SLC39A8: variants seen among roughly 807,000 people sequenced by gnomAD.
SLC39A8 encodes the protein metal cation symporter ZIP8.
SLC39A8 carries 15 observed loss-of-function variants against 40.4 expected under a neutral mutation model. That is an observed-to-expected ratio of 0.37 (90% CI 0.25 to 0.57). SLC39A8 has a LOEUF of 0.57. Ranked by LOEUF, SLC39A8 falls within the 20% of genes least tolerant of loss-of-function variation. The pLI is 0.75. For missense variants in SLC39A8, 472 were observed against 558.8 expected, an observed-to-expected ratio of 0.84 and a Z score of 1.57; for synonymous variants, 223 against 221.6, an observed-to-expected ratio of 1.01 and a Z score of -0.06.
At chr4:102,287,006 G>A (rs1295403056) in intron 6 of SLC39A8, among the ~76,000 whole-genome samples, 1 of 152,118 alleles carries the variant, frequency 6.6e-6, no homozygotes. Context: ...GTGTGAACTT[G>A]AGGGAGTCAC....
At chr4:102,345,028 C>T in intron 1 of SLC39A8, 113 bp from the exon 2 acceptor site, 1 of 546,874 alleles carries the variant, frequency 1.8e-6, no homozygotes, top group Non-Finnish European at 2.5e-6. Context: ...GGGCATGGGG[C>T]CAGACGCCCC....
intron 6 of SLC39A8, among the ~76,000 whole-genome samples, chr4:102,282,640 T>A (rs1045597815): frequency 1.3e-5 from 2 of 151,978 alleles, no homozygotes; most frequent in Admixed American, 6.6e-5. Flanking sequence ...CTGAATTAAG[T>A]AGAGAAATGA....
chr4:102,340,880 AAAG>A (rs1469376077), intron 2 of SLC39A8, among the ~76,000 whole-genome samples: 1 of 152,206 alleles, frequency 6.6e-6, no homozygotes, highest in Non-Finnish European at 1.5e-5. Context: ...AATTCAAGGA[AAAG>A]AAGAACATTT....
rs1036726675 is a variant in SLC39A8, at chr4:102,268,279, C to T, written c.841-200G>A. Among the ~76,000 whole-genome samples the T allele has an allele frequency of 5.9e-5, 9 of 152,334 alleles. 1 individual carries two copies. Among genetic ancestry groups the T allele is most frequent in the Admixed American group, 2.6e-4 (4 of 15,300 alleles). ...GAAAGGAAATTCATCAACTGACACA[C>T]CTCGAATAAGCCACTAACAGATATT... On this transcript the variant is annotated intron_variant, in intron 6 of 8. Coordinates refer to ENST00000356736, the MANE Select transcript of SLC39A8 (RefSeq NM_001135146.2).
chr4:102,330,148 G>A (rs897145024), intron 2 of SLC39A8, among the ~76,000 whole-genome samples: 1 of 152,092 alleles, frequency 6.6e-6, no homozygotes, highest in African/African-American at 2.4e-5. Context: ...AAAGCTGGCA[G>A]AAGACAAGAA....
Position 102,267,856 on chromosome 4 carries a change from G to T in SLC39A8, c.1048+16C>A, listed in dbSNP as rs758338344. The T allele has an allele frequency of 1.9e-6, 3 of 1,612,692 alleles. No homozygotes were observed. The South Asian group carries it at 3.3e-5, about 18-fold the overall frequency. The stretch of plus-strand genomic sequence containing the variant: ...AGAAGTAAGCAGACTTTTACAATAT[G>T]AACAGAGCTCCTTACCTAACTCGTG... On this transcript the variant is annotated intron_variant, in intron 7 of 8. Transcript: ENST00000356736.
intron 2 of SLC39A8, among the ~76,000 whole-genome samples, chr4:102,318,646 C>T (rs1443707913): frequency 2.6e-5 from 4 of 152,064 alleles, no homozygotes; most frequent in Non-Finnish European, 5.9e-5. Context: ...CAAAACCAAC[C>T]GGTTATACCA....
chr4:102,251,063 TTTAA>T (rs1244488237), downstream of SLC39A8: 4 of 152,240 alleles, frequency 2.6e-5, no homozygotes, highest in African/African-American at 9.7e-5. Context: ...AATTTATTTG[TTTAA>T]TTGACAATAA....
At chr4:102,299,512 A>G (rs977463218) in intron 6 of SLC39A8, among the ~76,000 whole-genome samples, 15 of 151,972 alleles carry the variant, frequency 9.9e-5, no homozygotes, top group African/African-American at 3.6e-4. Flanking sequence ...TAAGTACTGG[A>G]AAAATACTTG....
intron 6 of SLC39A8, among the ~76,000 whole-genome samples, chr4:102,298,667 C>A (rs538363006): frequency 6.6e-6 from 1 of 151,994 alleles, no homozygotes; most frequent in Non-Finnish European, 1.5e-5. Flanking sequence ...CCTCTTGAAG[C>A]TATGTCCTTA....
At chr4:102,335,117 C>T (rs1247980480) in intron 2 of SLC39A8, among the ~76,000 whole-genome samples, 1 of 152,088 alleles carries the variant, frequency 6.6e-6, no homozygotes, top group Non-Finnish European at 1.5e-5. Flanking sequence ...GGTGAAGTAA[C>T]CGAATAATAT....
chr4:102,337,912 C>G lies in SLC39A8; in HGVS notation c.219+6532G>C, dbSNP rs543208847. ...CCTCTAAAAAAGAATTCATGTAATT[C>G]ACATGAAAATTCATCACATTTGGTA... On this transcript the variant is annotated intron_variant, in intron 2 of 8. Transcript: ENST00000356736. 2.0e-5 allele frequency among the ~76,000 whole-genome samples: 3 copies of G among 152,172 alleles called. No individual in the cohort carries two copies. The East Asian group carries it at 5.8e-4, about 29-fold the overall frequency.
chr4:102,270,291 T>C (rs532696621), intron 6 of SLC39A8, among the ~76,000 whole-genome samples: 1 of 152,314 alleles, frequency 6.6e-6, no homozygotes, highest in South Asian at 2.1e-4. Context: ...ATGATTCTCA[T>C]ACCTCTAAGT....
chr4:102,313,960 C>T (rs149060474), intron 3 of SLC39A8, among the ~76,000 whole-genome samples: 39 of 152,150 alleles, frequency 2.6e-4, no homozygotes, highest in African/African-American at 9.4e-4. Flanking sequence ...GCAATCTCCT[C>T]TCCAAATGTC....
chr4:102,272,421 T>C (rs151405), intron 6 of SLC39A8, among the ~76,000 whole-genome samples: 46,926 of 149,738 alleles, frequency 0.31, 7,568 homozygotes, highest in South Asian at 0.37. Flanking sequence ...GGTGACAGAG[T>C]GAGACTCCAT....
chr4:102,333,921 T>C (rs781669882), intron 2 of SLC39A8, among the ~76,000 whole-genome samples: 2 of 152,110 alleles, frequency 1.3e-5, no homozygotes, highest in African/African-American at 4.8e-5. Context: ...AAGAAAAACA[T>C]GGCACAAACA....
intron 6 of SLC39A8, among the ~76,000 whole-genome samples, chr4:102,273,490 C>T (rs1326878022): frequency 1.3e-5 from 2 of 152,180 alleles, no homozygotes; most frequent in African/African-American, 4.8e-5. Flanking sequence ...GGTCAGTGCA[C>T]CCACGGGAAG....
At chr4:102,277,809 C>T (rs919983296) in intron 6 of SLC39A8, among the ~76,000 whole-genome samples, 8 of 152,114 alleles carry the variant, frequency 5.3e-5, no homozygotes, top group Non-Finnish European at 2.9e-5. Context: ...TAGAATAGAA[C>T]AGAGGCCTCA....
At chr4:102,340,054 T>C (rs1735839327) in intron 2 of SLC39A8, among the ~76,000 whole-genome samples, 1 of 152,044 alleles carries the variant, frequency 6.6e-6, no homozygotes, top group Non-Finnish European at 1.5e-5. Context: ...GTTTCGTGCA[T>C]TATAATTATA....
Sources: gnomAD v4.1 joint callset for allele counts (sites outside exome capture counted in the v4.1 genomes callset) on GRCh38, gnomAD v4.1.1 for gene constraint, MANE v1.5 for transcripts, NCBI Gene and HGNC (gene_info 2026-07-23, HGNC 2026-07-21) for gene names.